Variants in STOX2 observed in about 807,000 individuals in gnomAD.
STOX2 encodes the protein storkhead-box protein 2.
A neutral mutation model predicts 60.9 loss-of-function variants in STOX2; 28 were observed. That is an observed-to-expected ratio of 0.46 (90% CI 0.34 to 0.63). STOX2 has a LOEUF of 0.63. Ranked by LOEUF, STOX2 falls within the 30% of genes least tolerant of loss-of-function variation. STOX2 has a pLI of 0.01. For synonymous variants in STOX2, 472 were observed against 463.9 expected (o/e 1.02, Z -0.22); for missense variants, 1,024 against 1,187.7 (o/e 0.86, Z 2.03).
At chr4:183,976,556 G>GGGGA (rs201730861) in intron 1 of STOX2, among the ~76,000 whole-genome samples, 14 of 151,968 alleles carry the variant, frequency 9.2e-5, no homozygotes, top group Non-Finnish European at 1.9e-4. Flanking sequence ...ACTACTAGAG[G>GGGGA]GGGAGGGAGG....
intron 1 of STOX2, among the ~76,000 whole-genome samples, chr4:183,824,283 T>TTC (rs1453108007): frequency 6.6e-6 from 1 of 152,244 alleles, no homozygotes; most frequent in African/African-American, 2.4e-5. Context: ...TAATACAATA[T>TTC]TCTCACCACC....
At chr4:183,872,200 GC>G (rs1290177710) in intron 1 of STOX2, among the ~76,000 whole-genome samples, 1 of 151,998 alleles carries the variant, frequency 6.6e-6, no homozygotes, top group Non-Finnish European at 1.5e-5. Context: ...GATTACAGGC[GC>G]CCACAATCAT....
chr4:183,923,631 T>C (rs994594098), intron 1 of STOX2, among the ~76,000 whole-genome samples: 2 of 152,252 alleles, frequency 1.3e-5, no homozygotes, highest in Non-Finnish European at 2.9e-5. Flanking sequence ...CAAAGTACAC[T>C]TGTGATTCTT....
At chr4:183,868,963 G>A (rs1190183279) in intron 1 of STOX2, among the ~76,000 whole-genome samples, 3 of 152,188 alleles carry the variant, frequency 2.0e-5, no homozygotes, top group Non-Finnish European at 2.9e-5. Flanking sequence ...TTTATTTGGT[G>A]TTTTGAGGAT....
chr4:183,956,769 T>C (rs1373969142), intron 1 of STOX2, among the ~76,000 whole-genome samples: 1 of 152,112 alleles, frequency 6.6e-6, no homozygotes, highest in Non-Finnish European at 1.5e-5. Flanking sequence ...GATCACATGT[T>C]ATATTGACTT....
chr4:184,009,634 T>A lies in STOX2; in HGVS notation c.796T>A (p.Phe266Ile), dbSNP rs780801954. ...AGATAGTGAAAAGCAGTCAAAAAAA[T>A]TCGGGCTAAAGTTATTCCGGTTAAG... ...PKDSEKQSKK[F>I]GLKLFRLSFK... Residue 266 changes from phenylalanine to isoleucine, a missense_variant, in exon 3 of 4, where the codon TTC becomes ATC. By Grantham distance (21) the Phe-to-Ile change is conservative. Transcript: ENST00000308497. The surrounding 1 kb of genome is among the most constrained non-coding windows in gnomAD (Gnocchi z 4.0). 1.2e-6 allele frequency: 2 copies of A among 1,613,842 alleles called. No homozygotes were observed. The highest frequency in any genetic ancestry group is 1.3e-5 in the African/African-American group (1 of 75,028).
At chr4:183,875,693 A>G (rs1416666393) in intron 1 of STOX2, among the ~76,000 whole-genome samples, 1 of 152,214 alleles carries the variant, frequency 6.6e-6, no homozygotes, top group Non-Finnish European at 1.5e-5. Context: ...TCTTGAGAGG[A>G]TGAGCTCCGC....
In STOX2 at chr4:183,806,289, C is replaced by T. The variant is rs144596012; in HGVS notation, c.364+8234C>T. Among the ~76,000 whole-genome samples, 482 of 152,286 alleles carry T rather than the reference C, an allele frequency of 3.2e-3. No homozygotes were observed. The highest frequency in any genetic ancestry group is 5.2e-3 in the Non-Finnish European group (352 of 68,028). On this transcript the variant is annotated intron_variant, in intron 1 of 2. Transcript: ENST00000513034. This position sits in a 1 kb window ranked among gnomAD's most constrained non-coding sequence, Gnocchi z 4.1. ...GCTTCTGTAAGCAGGATGTCACCTC[C>T]CCACTCCCCAATAACGTACGTTTGG...
At chr4:183,875,650 G>C (rs1341303399) in intron 1 of STOX2, among the ~76,000 whole-genome samples, 1 of 152,248 alleles carries the variant, frequency 6.6e-6, no homozygotes, top group East Asian at 1.9e-4. Context: ...TGTCAAAGAA[G>C]GATGGAAGAG....
rs12513271 is a variant in STOX2, at chr4:183,899,177, C to T, written c.364+101122C>T. 8.7e-3 allele frequency among the ~76,000 whole-genome samples: 1,319 copies of T among 152,238 alleles called. 61 individuals carry two copies. Among genetic ancestry groups the T allele is most frequent in the Admixed American group, 0.069 (1,062 of 15,284 alleles). On this transcript the variant is annotated intron_variant, in intron 1 of 2. Coordinates refer to the STOX2 transcript ENST00000513034. ...AAACTTGATCCGTAAGTGTTGTGTGCGATCTGACTGTTCCAATGACTGGCC... is the reference window on the plus strand; with the variant it reads ...AAACTTGATCCGTAAGTGTTGTGTGTGATCTGACTGTTCCAATGACTGGCC...
chr4:183,895,705 C>T (rs992426499), intron 1 of STOX2, among the ~76,000 whole-genome samples: 2 of 152,122 alleles, frequency 1.3e-5, no homozygotes, highest in Non-Finnish European at 2.9e-5. Context: ...TACCCCAGTA[C>T]CTAGAACCAT....
intron 1 of STOX2, among the ~76,000 whole-genome samples, chr4:183,907,587 A>G (rs1345225909): frequency 2.0e-5 from 3 of 152,248 alleles, no homozygotes; most frequent in African/African-American, 7.2e-5. Context: ...AGGCTGTATC[A>G]TGTGTTTGCA....
At chr4:183,840,946 C>T (rs1387973634) in intron 1 of STOX2, among the ~76,000 whole-genome samples, 1 of 152,204 alleles carries the variant, frequency 6.6e-6, no homozygotes, top group Non-Finnish European at 1.5e-5. Flanking sequence ...CAGCTCGCTG[C>T]AATCTCCGCC....
In STOX2 at chr4:183,819,757, T is replaced by C. The variant is rs186123694; in HGVS notation, c.364+21702T>C. On this transcript the variant is annotated intron_variant, in intron 1 of 2. Transcript: ENST00000513034. Reference sequence around the variant, plus strand: ...AAAAGGAAGCATGGGTGAAAAAGGCTTGAACGGCATCGCCCCACTAAATCA... The same window carrying C: ...AAAAGGAAGCATGGGTGAAAAAGGCCTGAACGGCATCGCCCCACTAAATCA... Among the ~76,000 whole-genome samples, 650 of 152,354 alleles carry C rather than the reference T, an allele frequency of 4.3e-3. 8 individuals are homozygous for C. The highest frequency in any genetic ancestry group is 3.7e-3 in the Non-Finnish European group (251 of 68,024).
At chr4:183,890,384 G>A (rs1035813720) in intron 1 of STOX2, among the ~76,000 whole-genome samples, 8 of 151,862 alleles carry the variant, frequency 5.3e-5, no homozygotes, top group African/African-American at 1.5e-4. Context: ...CCTGGAGGCC[G>A]AGGCGGGAGA....
chr4:183,856,598 T>G lies in STOX2; in HGVS notation c.364+58543T>G, dbSNP rs1345146200. On this transcript the variant is annotated intron_variant, in intron 1 of 2. Coordinates refer to the STOX2 transcript ENST00000513034. This position sits in a 1 kb window ranked among gnomAD's most constrained non-coding sequence, Gnocchi z 4.0. ...CTGCTCTCAGCCACCTGCCCCTGGC[T>G]GACTGCAGCTAATGGTAGGGTGGTT... Among the ~76,000 whole-genome samples the G allele has an allele frequency of 6.6e-6, 1 of 152,200 alleles. No homozygotes were observed. Among genetic ancestry groups the G allele is most frequent in the African/African-American group, 2.4e-5 (1 of 41,452 alleles).
chr4:183,835,187 A>T (rs1429655339), intron 1 of STOX2, among the ~76,000 whole-genome samples: 2 of 151,754 alleles, frequency 1.3e-5, no homozygotes, highest in African/African-American at 4.8e-5. Flanking sequence ...ATAAGATAAT[A>T]ATGTCCTAAG....
At position 183,831,502 on chromosome 4, in the gene STOX2, A is replaced by AT. The variant is rs11292239; in HGVS notation, c.364+33461dup. ...TGATGGAAAGTTTAGAACTATGTAC[A>AT]TTTTTTTTTTTTTTGGTGAATATCA... On this transcript the variant is annotated intron_variant, in intron 1 of 2. Coordinates refer to the STOX2 transcript ENST00000513034. Among the ~76,000 whole-genome samples, 538 of 144,476 alleles carry AT rather than the reference A, an allele frequency of 3.7e-3. 1 individual carries two copies. The highest frequency in any genetic ancestry group is 6.2e-3 in the Admixed American group (88 of 14,302). 94.8% of individuals were successfully genotyped at this position (144,476 alleles called of 152,430 possible). A position where few individuals can be genotyped will look rare whatever the true frequency, so the allele number is the denominator to read the frequency against.
chr4:183,944,697 G>A (rs4861588), intron 1 of STOX2, among the ~76,000 whole-genome samples: 13,108 of 152,288 alleles, frequency 0.086, 1,031 homozygotes, highest in East Asian at 0.45. Flanking sequence ...CTAGGTGACA[G>A]AGACTCCATC....
Sources: allele counts gnomAD v4.1 joint callset (sites outside exome capture counted in the v4.1 genomes callset), GRCh38; gene constraint gnomAD v4.1.1; non-coding constraint Gnocchi (gnomAD v3.1); transcripts MANE v1.5; gene names NCBI Gene and HGNC (gene_info 2026-07-23, HGNC 2026-07-21).